Variants in CCDC125 observed in about 807,000 individuals in gnomAD.
CCDC125 encodes the protein coiled-coil domain-containing protein 125.
Under a neutral mutation model 57.4 loss-of-function variants are expected in CCDC125, and 43 were observed. The ratio of observed to expected loss-of-function variants is 0.75; its 90% CI spans 0.59 to 0.97. CCDC125 has a LOEUF of 0.97. Among genes scored for constraint, CCDC125 ranks in the 50% least tolerant of loss-of-function variants. The pLI is 0.00. For missense variants in CCDC125, 563 were observed against 595.7 expected (o/e 0.95, Z 0.57); for synonymous variants, 187 against 195.2 (o/e 0.96, Z 0.35).
At chr5:69,297,701 C>T (rs549851656) in intron 8 of CCDC125, among the ~76,000 whole-genome samples, 7 of 150,962 alleles carry the variant, frequency 4.6e-5, no homozygotes, top group South Asian at 4.2e-4. Flanking sequence ...TGGTGGCTCA[C>T]GCCTGTAATC....
In CCDC125 at chr5:69,292,291, T is replaced by C. The variant is rs374881768; in HGVS notation, c.996A>G (p.Gln332=). 6.2e-7 allele frequency: 1 copy of C among 1,613,912 alleles called. No individual in the cohort carries two copies. Among genetic ancestry groups the C allele is most frequent in the Non-Finnish European group, 8.5e-7 (1 of 1,179,900 alleles). Residue 332 remains glutamine, a synonymous_variant, in exon 10 of 12, where the codon CAA becomes CAG. Transcript: ENST00000396496. ...CCTGGTCATTTTTTCTCATTAATTG[T>C]TGCTCAAATGCAATTCTGAAAGCAT... ...MADAFRIAFE[Q]QLMRKNDQAL...
At chr5:69,285,184 A>G (rs1753128287) in intron 11 of CCDC125, among the ~76,000 whole-genome samples, 153 bp downstream of exon 11, 1 of 152,134 alleles carries the variant, frequency 6.6e-6, no homozygotes, top group Non-Finnish European at 1.5e-5. Context: ...AAATATATAT[A>G]TATATCAAAA....
At chr5:69,285,243 T>G in intron 11 of CCDC125, 94 bp downstream of exon 11, 1 of 1,255,544 alleles carries the variant, frequency 8.0e-7, no homozygotes, top group Middle Eastern at 1.9e-4. Context: ...TTGGGCCACA[T>G]TCAAAGCTGT....
chr5:69,328,881 C>T (rs1278292100), intron 1 of CCDC125, among the ~76,000 whole-genome samples: 2 of 151,966 alleles, frequency 1.3e-5, no homozygotes, highest in African/African-American at 4.8e-5. Flanking sequence ...GCCAGCTCCG[C>T]CTCCTGGGTT....
At chr5:69,292,487 C>A (rs1040213382) in intron 9 of CCDC125, 125 bp from the exon 10 acceptor site, 10 of 672,272 alleles carry the variant, frequency 1.5e-5, no homozygotes, top group Non-Finnish European at 2.5e-5. Context: ...GTGGTCTGAT[C>A]TAGTTTATCT....
chr5:69,315,760 C>A (rs1424941303), intron 2 of CCDC125, among the ~76,000 whole-genome samples: 127 of 88,054 alleles, frequency 1.4e-3, no homozygotes, highest in East Asian at 2.2e-3. Flanking sequence ...AACTCCGTCT[C>A]AAAAAAAAAA....
intron 7 of CCDC125, among the ~76,000 whole-genome samples, chr5:69,301,543 T>C (rs879708001): frequency 2.6e-5 from 4 of 151,946 alleles, no homozygotes; most frequent in Admixed American, 2.6e-4. Context: ...AAGACCAGCC[T>C]TGTCAACATG....
chr5:69,322,094 G>A lies in CCDC125; in HGVS notation c.-40-1514C>T, dbSNP rs191269183. Among the ~76,000 whole-genome samples, 11 of 152,058 alleles carry A rather than the reference G, an allele frequency of 7.2e-5. No individual in the cohort carries two copies. In the East Asian group the frequency reaches 2.1e-3, roughly 30 times the overall value. ...GACCTCAGGTGATCTGCCTGCCTCG[G>A]CCTCCCAAAGTGCTAGGATTACAGG... On this transcript the variant is annotated intron_variant, in intron 1 of 11. Transcript: ENST00000396496.
At chr5:69,305,539 G>T (rs1220287686) in intron 6 of CCDC125, among the ~76,000 whole-genome samples, 1 of 152,160 alleles carries the variant, frequency 6.6e-6, no homozygotes, top group African/African-American at 2.4e-5. Context: ...TTCCACTGAG[G>T]CTATATGATC....
At chr5:69,288,074 G>T (rs1753804654) in intron 10 of CCDC125, among the ~76,000 whole-genome samples, 1 of 152,146 alleles carries the variant, frequency 6.6e-6, no homozygotes, top group South Asian at 2.1e-4. Flanking sequence ...AATCCTAGTA[G>T]ATAGGGGTGT....
intron 1 of CCDC125, among the ~76,000 whole-genome samples, chr5:69,327,777 A>T (rs1218186321): frequency 1.3e-5 from 2 of 152,230 alleles, no homozygotes; most frequent in Admixed American, 6.5e-5. Flanking sequence ...ATTGAATTTG[A>T]ATACTATTTT....
At chr5:69,277,110 G>C (rs1053622317), downstream of CCDC125, 2 of 1,595,872 alleles carry the variant, frequency 1.3e-6, no homozygotes, top group African/African-American at 2.7e-5. Flanking sequence ...TTCCTAGGAG[G>C]ATTGCCCAAG....
At chr5:69,293,106 G>A (rs1367470109) in intron 9 of CCDC125, among the ~76,000 whole-genome samples, 1 of 151,288 alleles carries the variant, frequency 6.6e-6, no homozygotes, top group African/African-American at 2.4e-5. Context: ...CTCCCAAAGT[G>A]CTGGTTTACA....
chr5:69,331,394 G>A (rs1022182601), intron 1 of CCDC125, among the ~76,000 whole-genome samples: 5 of 151,622 alleles, frequency 3.3e-5, no homozygotes, highest in East Asian at 2.0e-4. Context: ...CACCATGCCC[G>A]GCTAATATTT....
At chr5:69,305,495 A>C (rs558983313) in intron 6 of CCDC125, among the ~76,000 whole-genome samples, 23 of 152,274 alleles carry the variant, frequency 1.5e-4, no homozygotes, top group Non-Finnish European at 2.9e-4. Flanking sequence ...TTATGTAGAG[A>C]GCCGAAAGCC....
rs1272166188 is a variant in CCDC125 at position 69,282,740 on chromosome 5, T to C, written c.1525A>G (p.Ile509Val). 6.3e-7 allele frequency: 1 copy of C among 1,589,656 alleles called. No homozygotes were observed. Among genetic ancestry groups the C allele is most frequent in the Non-Finnish European group, 8.5e-7 (1 of 1,169,838 alleles). Reference sequence around the variant, plus strand: ...CAACTGGCTTGTCTTTAAAATATGATACTTGATGGCAAAGAATGGGATCTT... The same window carrying C: ...CAACTGGCTTGTCTTTAAAATATGACACTTGATGGCAAAGAATGGGATCTT... Reference protein sequence around the residue: ...LKRSHSLPSSIIF With the variant: ...LKRSHSLPSSVIF The change falls in exon 12 of 12, where the codon ATC becomes GTC. Residue 509 changes from isoleucine (I) to valine (V), a missense_variant. Coordinates refer to ENST00000396496, the MANE Select transcript of CCDC125 (RefSeq NM_176816.5).
rs550442827 is a variant in CCDC125, at chr5:69,282,597, T to A, written c.*132A>T. ...AAGAAAATGTAGAAAATATTTGATT[T>A]AAGTGACCTCCTAAAATTTAGAAAT... On this transcript the variant is annotated 3_prime_UTR_variant, in exon 12 of 12. Transcript: ENST00000396496. 1 of 697,526 alleles carries A rather than the reference T, an allele frequency of 1.4e-6. No individual in the cohort carries two copies. The highest frequency in any genetic ancestry group is 2.3e-6 in the Non-Finnish European group (1 of 428,958). The allele number at this position is 697,526 out of a possible 1,614,324, so 43.2% of individuals were successfully genotyped here.
chr5:69,323,794 G>A (rs1456873167), intron 1 of CCDC125: 1 of 152,152 alleles, frequency 6.6e-6, no homozygotes, highest in African/African-American at 2.4e-5. Flanking sequence ...GACCACCCTA[G>A]TCACCTACCT....
intron 3 of CCDC125, among the ~76,000 whole-genome samples, chr5:69,312,673 C>T (rs955045693): frequency 1.3e-5 from 2 of 152,080 alleles, no homozygotes; most frequent in African/African-American, 4.8e-5. Context: ...AAAGGAGAAC[C>T]GGTGGGCATG....
Sources: allele counts gnomAD v4.1 joint callset (sites outside exome capture counted in the v4.1 genomes callset), GRCh38; gene constraint gnomAD v4.1.1; transcripts MANE v1.5; gene names NCBI Gene and HGNC (gene_info 2026-07-23, HGNC 2026-07-21).